The following POLN variants were observed in gnomAD, a reference collection of about 807,000 sequenced individuals.
POLN encodes DNA polymerase nu, also known as DNA polymerase N.
POLN carries 108 observed loss-of-function variants against 113.5 expected under a neutral mutation model. The ratio of observed to expected loss-of-function variants is 0.95; its 90% CI spans 0.81 to 1.12. POLN has a LOEUF of 1.12. Among genes scored for constraint, POLN ranks in the 50% most tolerant of loss-of-function variants. POLN has a pLI of 0.00. For synonymous variants in POLN, 386 were observed against 391.5 expected, an observed-to-expected ratio of 0.99 and a Z score of 0.17; for missense variants, 1,097 against 1,077.1, an observed-to-expected ratio of 1.02 and a Z score of -0.26.
chr4:2,116,891 A>T (rs1026924307), intron 19 of POLN, among the ~76,000 whole-genome samples: 1 of 152,248 alleles, frequency 6.6e-6, no homozygotes, highest in African/African-American at 2.4e-5. Flanking sequence ...TCAGACGCCT[A>T]GCAAAACTCT....
chr4:2,118,451 TCTTA>T (rs777560775), intron 19 of POLN, among the ~76,000 whole-genome samples: 43 of 152,244 alleles, frequency 2.8e-4, no homozygotes, highest in Non-Finnish European at 4.6e-4. Context: ...TGAGTTTGTC[TCTTA>T]CTTATAATAC....
At chr4:2,214,857 T>A (rs1405351224) in intron 3 of POLN, among the ~76,000 whole-genome samples, 1 of 151,196 alleles carries the variant, frequency 6.6e-6, no homozygotes, top group Admixed American at 6.6e-5. Flanking sequence ...ATGTGTGCTG[T>A]TTTATATATA....
intron 16 of POLN, among the ~76,000 whole-genome samples, chr4:2,136,504 T>C (rs1484337875): frequency 2.0e-5 from 3 of 152,270 alleles, no homozygotes; most frequent in Admixed American, 6.5e-5. Flanking sequence ...GAACTTGGTA[T>C]GTTTTTGCAA....
intron 2 of POLN, among the ~76,000 whole-genome samples, chr4:2,233,339 T>TA (rs1734649399): frequency 6.6e-6 from 1 of 152,208 alleles, no homozygotes; most frequent in African/African-American, 2.4e-5. Context: ...TTAAAATTGA[T>TA]ACGGCATTTT....
chr4:2,170,422 A>G (rs1483187967), intron 13 of POLN, among the ~76,000 whole-genome samples: 1 of 152,224 alleles, frequency 6.6e-6, no homozygotes, highest in East Asian at 1.9e-4. Context: ...AATTGGTTTT[A>G]AGAACAAAAC....
rs374757150 is a variant in POLN, at chr4:2,226,620, G to A, written c.133+2479C>T. 4.6e-5 allele frequency among the ~76,000 whole-genome samples: 7 copies of A among 152,298 alleles called. No homozygotes were observed. In the East Asian group the frequency reaches 1.2e-3, roughly 25 times the overall value. ...ATACTTGTTTCAAGAAGATATAACA[G>A]TCCAATCTTTACTGAATGTGTATCT... On this transcript the variant is annotated intron_variant, in intron 3 of 25. Coordinates refer to ENST00000511885, the MANE Select transcript of POLN (RefSeq NM_181808.4).
At chr4:2,169,195 G>A (rs745934155) in intron 13 of POLN, among the ~76,000 whole-genome samples, 6 of 152,204 alleles carry the variant, frequency 3.9e-5, no homozygotes, top group Non-Finnish European at 5.9e-5. Context: ...GCCAGAGCAC[G>A]GGCCTGGGGA....
At chr4:2,083,234 C>T (rs1465051297) in intron 21 of POLN, among the ~76,000 whole-genome samples, 1 of 152,226 alleles carries the variant, frequency 6.6e-6, no homozygotes, top group Non-Finnish European at 1.5e-5. Context: ...CTCTCTGACA[C>T]TCTGGCTTAC....
At chr4:2,121,611 T>C (rs1412806080) in intron 19 of POLN, among the ~76,000 whole-genome samples, 2 of 152,098 alleles carry the variant, frequency 1.3e-5, no homozygotes, top group East Asian at 3.8e-4. Flanking sequence ...AAGAAATTGG[T>C]GCATTTCTTC....
At chr4:2,156,558 T>A in intron 16 of POLN, 3 of 630,146 alleles carry the variant, frequency 4.8e-6, no homozygotes, top group Non-Finnish European at 8.7e-6. Flanking sequence ...AGTGCATGGG[T>A]TTCTGGGTGT....
Position 2,081,049 on chromosome 4 carries a change from T to G in POLN, c.2309-13A>C. ...TCAGCAGCGGAGCCTATGGGGCGCG[T>G]GGTACTGTCTTGAGGTCCCATGGCA... On this transcript the variant is annotated splice_polypyrimidine_tract_variant and intron_variant, in intron 22 of 25. Transcript: ENST00000511885. 1.9e-6 allele frequency: 3 copies of G among 1,613,418 alleles called. No individual in the cohort carries two copies. The highest frequency in any genetic ancestry group is 2.5e-6 in the Non-Finnish European group (3 of 1,179,952).
intron 3 of POLN, among the ~76,000 whole-genome samples, chr4:2,222,699 T>A (rs1734288792): frequency 1.4e-5 from 2 of 147,434 alleles, no homozygotes; most frequent in Admixed American, 6.7e-5. Flanking sequence ...CACGGCCTTT[T>A]TTTTTTTTTT....
intron 11 of POLN, among the ~76,000 whole-genome samples, chr4:2,172,496 T>C (rs1195505534): frequency 6.6e-6 from 1 of 152,252 alleles, no homozygotes; most frequent in East Asian, 1.9e-4. Context: ...GGCCTTTAGC[T>C]GAACCTGTGT....
chr4:2,239,443 A>G (rs1424125073), intron 2 of POLN, among the ~76,000 whole-genome samples: 1 of 152,244 alleles, frequency 6.6e-6, no homozygotes, highest in Non-Finnish European at 1.5e-5. Context: ...TGGATTTCCT[A>G]TATCATTCAA....
At chr4:2,088,364 C>T (rs1245444965) in intron 20 of POLN, among the ~76,000 whole-genome samples, 2 of 151,974 alleles carry the variant, frequency 1.3e-5, no homozygotes, top group Non-Finnish European at 2.9e-5. Context: ...CGTTTATGAA[C>T]AAAGCACAAA....
At position 2,126,587 on chromosome 4, in the gene POLN, A is replaced by C. The variant is rs1287704362; in HGVS notation, c.1982+1526T>G. Among the ~76,000 whole-genome samples, 1 of 152,006 alleles carries C rather than the reference A, an allele frequency of 6.6e-6. No individual in the cohort carries two copies. On this transcript the variant is annotated intron_variant, in intron 19 of 25. Coordinates refer to ENST00000511885, the MANE Select transcript of POLN (RefSeq NM_181808.4). The surrounding 1 kb of genome is among the most constrained non-coding windows in gnomAD (Gnocchi z 4.6). The stretch of plus-strand genomic sequence containing the variant: ...GAGACCAGAGAGGAGCGGAGACCAG[A>C]GAGAAGCGGAGACCAGAGAGGAGTG...
intron 7 of POLN, among the ~76,000 whole-genome samples, chr4:2,182,431 T>C (rs929537748): frequency 5.3e-5 from 8 of 152,068 alleles, no homozygotes; most frequent in African/African-American, 1.9e-4. Flanking sequence ...GGGATGTGTC[T>C]ACAAGTCAAG....
intron 16 of POLN, among the ~76,000 whole-genome samples, chr4:2,148,956 G>A (rs1244168767): frequency 6.6e-6 from 1 of 151,998 alleles, no homozygotes; most frequent in Non-Finnish European, 1.5e-5. Context: ...TTTATACCTC[G>A]CAAAAATAAC....
chr4:2,192,114 C>CAAAAAAAAAAA (rs772637540), intron 7 of POLN, among the ~76,000 whole-genome samples: 1 of 66,942 alleles, frequency 1.5e-5, no homozygotes, highest in African/African-American at 4.8e-5. Context: ...GACTCCATCT[C>CAAAAAAAAAAA]AAAAAAAAAA....
Sources: allele counts gnomAD v4.1 joint callset (sites outside exome capture counted in the v4.1 genomes callset), GRCh38; gene constraint gnomAD v4.1.1; non-coding constraint Gnocchi (gnomAD v3.1); transcripts MANE v1.5; gene names NCBI Gene and HGNC (gene_info 2026-07-23, HGNC 2026-07-21).